SLC14A2: variants seen among roughly 807,000 people sequenced by gnomAD.
SLC14A2 encodes solute carrier family 14 member 2, also known as urea transporter 2.
A neutral mutation model predicts 104.6 loss-of-function variants in SLC14A2; 91 were observed. The ratio of observed to expected loss-of-function variants is 0.87; its 90% CI spans 0.73 to 1.04. SLC14A2 has a LOEUF of 1.04. Among genes scored for constraint, SLC14A2 ranks in the 50% least tolerant of loss-of-function variants. SLC14A2 has a pLI of 0.00. For synonymous variants in SLC14A2, 476 were observed against 466.4 expected (o/e 1.02, Z -0.27); for missense variants, 1,189 against 1,156.0 (o/e 1.03, Z -0.41).
In SLC14A2 at chr18:45,463,512, G is replaced by A. The variant is rs181557326; in HGVS notation, c.-124-19721G>A. On this transcript the variant is annotated intron_variant, in intron 1 of 20. Transcript: ENST00000586448. Reference sequence around the variant, plus strand: ...CATTATTACGTAAAGGCCACATTGCGAAAAGCAAGGCCATTTATCTACATC... The same window carrying A: ...CATTATTACGTAAAGGCCACATTGCAAAAAGCAAGGCCATTTATCTACATC... Among the ~76,000 whole-genome samples the A allele has an allele frequency of 2.6e-4, 39 of 152,348 alleles. No individual in the cohort carries two copies. In the East Asian group the frequency reaches 7.1e-3, roughly 28 times the overall value.
chr18:45,300,719 C>T (rs567924366), intron 1 of SLC14A2, among the ~76,000 whole-genome samples: 3 of 152,280 alleles, frequency 2.0e-5, no homozygotes, highest in South Asian at 2.1e-4. Flanking sequence ...CTCTGAGCAT[C>T]TCTGAGGTAG....
intron 16 of SLC14A2, among the ~76,000 whole-genome samples, chr18:45,670,250 T>A (rs114687899): frequency 6.6e-6 from 1 of 152,112 alleles, no homozygotes; most frequent in African/African-American, 2.4e-5. Context: ...AAGAAACATA[T>A]AACAGAGCTT....
rs1280664141 is a variant in SLC14A2 at position 45,309,006 on chromosome 18, G to T, written c.-125+95815G>T. Among the ~76,000 whole-genome samples the T allele has an allele frequency of 2.6e-5, 4 of 152,108 alleles. No individual in the cohort carries two copies. The South Asian group carries it at 6.2e-4, about 24-fold the overall frequency. On this transcript the variant is annotated intron_variant, in intron 1 of 20. Coordinates refer to the SLC14A2 transcript ENST00000586448. ...AGGCGTCCGTACTTCTCCCTTCCCT[G>T]TTCTCCTGGCATTATTTCTACAGAA...
At chr18:45,652,376 A>G (rs937767278) in intron 10 of SLC14A2, among the ~76,000 whole-genome samples, 1 of 152,234 alleles carries the variant, frequency 6.6e-6, no homozygotes, top group African/African-American at 2.4e-5. Flanking sequence ...GGCAAGGGGG[A>G]AAATGACAAG....
intron 15 of SLC14A2, among the ~76,000 whole-genome samples, 192 bp downstream of exon 15, chr18:45,668,669 A>T (rs557663572): frequency 3.3e-5 from 5 of 152,334 alleles, no homozygotes; most frequent in Admixed American, 1.3e-4. Context: ...ACAGTATCCC[A>T]TTAGCGACCA....
At chr18:45,236,393 GTA>G (rs1180889945) in intron 1 of SLC14A2, among the ~76,000 whole-genome samples, 1 of 10,200 alleles carries the variant, frequency 9.8e-5, no homozygotes, top group South Asian at 3.6e-3. Flanking sequence ...ATGTATGTGT[GTA>G]TATATGTGTA....
At chr18:45,521,545 G>T (rs1210735743) in intron 2 of SLC14A2, among the ~76,000 whole-genome samples, 1 of 151,996 alleles carries the variant, frequency 6.6e-6, no homozygotes, top group Non-Finnish European at 1.5e-5. Flanking sequence ...TAGATATGAG[G>T]TATAACTTTG....
At chr18:45,173,548 C>T in the SLC14A2 span, among the ~76,000 whole-genome samples, 3 of 151,598 alleles carry the variant, frequency 2.0e-5, no homozygotes, top group Admixed American at 6.6e-5. Flanking sequence ...CAAAATAACC[C>T]GAGAGAAGTC....
intron 2 of SLC14A2, chr18:45,529,056 C>T (rs2043641089): frequency 6.6e-6 from 1 of 152,218 alleles, no homozygotes; most frequent in South Asian, 2.1e-4. Context: ...CCTTCCAGCC[C>T]TACCATCAGC....
chr18:45,367,191 C>A (rs576883615), intron 1 of SLC14A2, among the ~76,000 whole-genome samples: 228 of 152,184 alleles, frequency 1.5e-3, no homozygotes, highest in Middle Eastern at 3.4e-3. Context: ...TGAAGTCCAC[C>A]TTTTCATTTT....
At chr18:45,213,390 A>G (rs570947450) in intron 1 of SLC14A2, among the ~76,000 whole-genome samples, 3 of 152,312 alleles carry the variant, frequency 2.0e-5, no homozygotes, top group Admixed American at 2.0e-4. Flanking sequence ...TTTCAAAGAG[A>G]TGAGATGGTA....
intron 1 of SLC14A2, among the ~76,000 whole-genome samples, chr18:45,333,667 C>T (rs1268443513): frequency 1.3e-5 from 2 of 152,256 alleles, no homozygotes; most frequent in African/African-American, 4.8e-5. Flanking sequence ...GGTGTAAACT[C>T]CTGCTCTGTC....
At position 45,533,291 on chromosome 18, in the gene SLC14A2, A is replaced by G. The variant is rs547617562; in HGVS notation, c.-35+49969A>G. 5.2e-3 allele frequency among the ~76,000 whole-genome samples: 787 copies of G among 152,164 alleles called. 7 individuals carry two copies. Among genetic ancestry groups the G allele is most frequent in the African/African-American group, 0.018 (749 of 41,484 alleles). On this transcript the variant is annotated intron_variant, in intron 2 of 20. Transcript: ENST00000586448. The stretch of plus-strand genomic sequence containing the variant: ...AGGAATGGTACCAGCTCCTCCTTGT[A>G]CCTCTGGTAGAATTCGGCTGTGAAT...
chr18:45,400,019 T>C (rs1335157526), intron 1 of SLC14A2, among the ~76,000 whole-genome samples: 2 of 152,170 alleles, frequency 1.3e-5, no homozygotes, highest in African/African-American at 4.8e-5. Context: ...AGCTTGTCAC[T>C]GGCAATTGTT....
chr18:45,487,584 G>C (rs904552589), intron 2 of SLC14A2, among the ~76,000 whole-genome samples: 4 of 152,138 alleles, frequency 2.6e-5, no homozygotes, highest in Non-Finnish European at 5.9e-5. Context: ...TTGCAGGTTG[G>C]GGTCCCCAAG....
At position 45,557,396 on chromosome 18, in the gene SLC14A2, G is replaced by A. The variant is rs552653575; in HGVS notation, c.-34-67235G>A. ...CTAACATGCTCAAGCCAGGCTGCCA[G>A]GCTCCATTAATGTGTGTAAGTTGCA... is the stretch of plus-strand genomic sequence containing the variant. On this transcript the variant is annotated intron_variant, in intron 2 of 20. Transcript: ENST00000586448. 1.2e-4 allele frequency among the ~76,000 whole-genome samples: 19 copies of A among 152,312 alleles called. No homozygotes were observed. The East Asian group carries it at 3.7e-3, about 29-fold the overall frequency.
Position 45,490,066 on chromosome 18 carries a change from G to C in SLC14A2, c.-35+6744G>C, listed in dbSNP as rs888594768. On this transcript the variant is annotated intron_variant, in intron 2 of 20. Coordinates refer to the SLC14A2 transcript ENST00000586448. ...GCAGTAGCCTTCAGAATAGGAATGAGATGGGAGAGAAGTATGTGTCGAATG... is the reference window on the plus strand; with the variant it reads ...GCAGTAGCCTTCAGAATAGGAATGACATGGGAGAGAAGTATGTGTCGAATG... 2.0e-5 allele frequency: 3 copies of C among 152,192 alleles called. No individual in the cohort carries two copies. The East Asian group carries it at 5.8e-4, about 29-fold the overall frequency. 9.4% of individuals were successfully genotyped at this position (152,192 alleles called of 1,614,324 possible). A position where few individuals can be genotyped will look rare whatever the true frequency, so the allele number is the denominator to read the frequency against.
rs140239947 is a variant in SLC14A2 at position 45,622,754 on chromosome 18, G to A, written c.-34-1877G>A. Among the ~76,000 whole-genome samples, 565 of 152,300 alleles carry A rather than the reference G, an allele frequency of 3.7e-3. 5 individuals carry two copies. Among genetic ancestry groups the A allele is most frequent in the African/African-American group, 0.013 (546 of 41,562 alleles). On this transcript the variant is annotated intron_variant, in intron 1 of 19. Coordinates refer to ENST00000255226, the MANE Select transcript of SLC14A2 (RefSeq NM_007163.4). ...TGATCAACTCTCAGAACACCACTGAGCAGCCTGGTGGGATGGGGACTGAAA... is the reference window on the plus strand; with the variant it reads ...TGATCAACTCTCAGAACACCACTGAACAGCCTGGTGGGATGGGGACTGAAA...
At chr18:45,260,145 A>G (rs16978312) in intron 1 of SLC14A2, among the ~76,000 whole-genome samples, 15,590 of 152,222 alleles carry the variant, frequency 0.1, 1,195 homozygotes, top group African/African-American at 0.21. Flanking sequence ...AAATAGGAGA[A>G]CATTGGCTTT....
Sources: allele counts gnomAD v4.1 joint callset (sites outside exome capture counted in the v4.1 genomes callset), GRCh38; gene constraint gnomAD v4.1.1; transcripts MANE v1.5; gene names NCBI Gene and HGNC (gene_info 2026-07-23, HGNC 2026-07-21).